Variants in PDE7B observed in about 807,000 individuals in gnomAD.
PDE7B encodes the protein 3',5'-cyclic-AMP phosphodiesterase 7B.
PDE7B carries 29 observed loss-of-function variants against 56.2 expected under a neutral mutation model. The ratio of observed to expected loss-of-function variants is 0.52; its 90% CI spans 0.38 to 0.70. PDE7B has a LOEUF of 0.70. Ranked by LOEUF, PDE7B falls within the 30% of genes least tolerant of loss-of-function variation. PDE7B has a pLI of 0.00. For synonymous variants in PDE7B, 197 were observed against 196.9 expected (o/e 1.00, Z 0.00); for missense variants, 490 against 565.0 (o/e 0.87, Z 1.35).
chr6:136,091,520 A>G (rs1210388074), intron 2 of PDE7B, among the ~76,000 whole-genome samples: 7 of 152,240 alleles, frequency 4.6e-5, no homozygotes, highest in African/African-American at 1.7e-4. Context: ...AACTCTTACT[A>G]TAAAGTTTCC....
intron 1 of PDE7B, among the ~76,000 whole-genome samples, chr6:135,929,640 T>G (rs1216738845): frequency 2.6e-5 from 4 of 152,226 alleles, no homozygotes; most frequent in Non-Finnish European, 5.9e-5. Flanking sequence ...AGTACATATG[T>G]GACTTGCTTT....
intron 2 of PDE7B, chr6:136,094,968 C>T (rs1777449451): frequency 6.6e-6 from 1 of 152,204 alleles, no homozygotes; most frequent in South Asian, 2.1e-4. Context: ...ACACGCTCCA[C>T]ATACAGCAGT....
At chr6:135,998,309 G>A (rs573310770) in intron 2 of PDE7B, among the ~76,000 whole-genome samples, 1 of 152,210 alleles carries the variant, frequency 6.6e-6, no homozygotes, top group South Asian at 2.1e-4. Context: ...GTAGACTATG[G>A]TATAACACAT....
At chr6:136,007,293 CT>C (rs1775804218) in intron 2 of PDE7B, among the ~76,000 whole-genome samples, 1 of 152,110 alleles carries the variant, frequency 6.6e-6, no homozygotes, top group Non-Finnish European at 1.5e-5. Flanking sequence ...TTTTGATGTG[CT>C]GCTGGATTCA....
intron 1 of PDE7B, among the ~76,000 whole-genome samples, chr6:135,907,112 C>T (rs892184079): frequency 1.3e-5 from 2 of 152,076 alleles, no homozygotes; most frequent in Non-Finnish European, 2.9e-5. Flanking sequence ...CTGCTGAAAT[C>T]TCTGCTCAGC....
chr6:135,930,338 G>C (rs1410756764), intron 1 of PDE7B, among the ~76,000 whole-genome samples: 1 of 152,122 alleles, frequency 6.6e-6, no homozygotes, highest in Non-Finnish European at 1.5e-5. Flanking sequence ...GGAATTATGG[G>C]AGCTACAAAA....
At chr6:135,856,613 C>T (rs1461999002) in intron 1 of PDE7B, among the ~76,000 whole-genome samples, 7 of 152,060 alleles carry the variant, frequency 4.6e-5, no homozygotes, top group Non-Finnish European at 1.0e-4. Flanking sequence ...TCACCTTAAT[C>T]GAGACATTTC....
intron 3 of PDE7B, 144 bp from the exon 4 acceptor site, chr6:136,147,207 T>C (rs1183321354): frequency 3.9e-6 from 2 of 512,890 alleles, no homozygotes; most frequent in East Asian, 6.0e-5. Context: ...ACATTTCAAA[T>C]GTAGAGTTCA....
chr6:136,190,087 A>T (rs1372017462), intron 12 of PDE7B, among the ~76,000 whole-genome samples: 2 of 152,202 alleles, frequency 1.3e-5, no homozygotes, highest in Non-Finnish European at 2.9e-5. Flanking sequence ...AGAATAGTAT[A>T]ATTTTGCAAA....
At chr6:136,103,308 A>T (rs530246625) in intron 2 of PDE7B, among the ~76,000 whole-genome samples, 1 of 152,304 alleles carries the variant, frequency 6.6e-6, no homozygotes, top group East Asian at 1.9e-4. Flanking sequence ...TCGGAACAAT[A>T]ATCTCTGCCT....
intron 2 of PDE7B, among the ~76,000 whole-genome samples, chr6:136,066,450 C>T (rs1776938067): frequency 2.0e-5 from 3 of 152,164 alleles, no homozygotes. Flanking sequence ...ATAGCACCCA[C>T]AAATATGAGA....
chr6:135,873,015 A>G (rs1412756714), intron 1 of PDE7B, among the ~76,000 whole-genome samples: 1 of 152,114 alleles, frequency 6.6e-6, no homozygotes, highest in African/African-American at 2.4e-5. Flanking sequence ...CTCAGTTTAT[A>G]CTTCATTCTG....
chr6:135,885,374 G>T (rs1775688255), intron 1 of PDE7B, among the ~76,000 whole-genome samples: 1 of 151,090 alleles, frequency 6.6e-6, no homozygotes, highest in Non-Finnish European at 1.5e-5. Flanking sequence ...GCCCAGGGCT[G>T]CATCTGCATA....
intron 9 of PDE7B, among the ~76,000 whole-genome samples, chr6:136,177,326 A>G (rs1042350115): frequency 3.3e-5 from 5 of 152,080 alleles, no homozygotes; most frequent in Non-Finnish European, 5.9e-5. Flanking sequence ...TAAAATTAAA[A>G]TGATAAAAAT....
At chr6:135,931,951 GCGCA>G (rs139751151) in intron 1 of PDE7B, among the ~76,000 whole-genome samples, 38,784 of 142,276 alleles carry the variant, frequency 0.27, 5,781 homozygotes, top group Admixed American at 0.44. Flanking sequence ...ACACACGCGC[GCGCA>G]CACACACACA....
chr6:135,909,490 C>G (rs1335916814), intron 1 of PDE7B, among the ~76,000 whole-genome samples: 1 of 152,044 alleles, frequency 6.6e-6, no homozygotes, highest in Non-Finnish European at 1.5e-5. Context: ...CCTATAATCC[C>G]AGCTTCTCCA....
intron 1 of PDE7B, among the ~76,000 whole-genome samples, chr6:135,866,096 A>G (rs1276629108): frequency 6.6e-6 from 1 of 152,214 alleles, no homozygotes; most frequent in Non-Finnish European, 1.5e-5. Context: ...TTTAAAAAAC[A>G]AAAGTAGAAC....
chr6:135,901,376 C>T (rs539000591), intron 1 of PDE7B, among the ~76,000 whole-genome samples: 1 of 151,946 alleles, frequency 6.6e-6, no homozygotes, highest in African/African-American at 2.4e-5. Flanking sequence ...TGTAATTACT[C>T]ATATTTTAAT....
At chr6:136,006,349 G>A (rs1775783199) in intron 2 of PDE7B, among the ~76,000 whole-genome samples, 1 of 151,936 alleles carries the variant, frequency 6.6e-6, no homozygotes, top group African/African-American at 2.4e-5. Flanking sequence ...AAAACTTAAA[G>A]TATAATAATA....
Sources: gnomAD v4.1 joint callset for allele counts (sites outside exome capture counted in the v4.1 genomes callset) on GRCh38, gnomAD v4.1.1 for gene constraint, MANE v1.5 for transcripts, NCBI Gene and HGNC (gene_info 2026-07-23, HGNC 2026-07-21) for gene names.